Variants in PPP1R7 observed in about 807,000 individuals in gnomAD.
PPP1R7 encodes protein phosphatase 1 regulatory subunit 22.
Under a neutral mutation model 45.2 loss-of-function variants are expected in PPP1R7, and 18 were observed. The ratio of observed to expected loss-of-function variants is 0.40; its 90% CI spans 0.28 to 0.59. The LOEUF (loss-of-function observed/expected upper bound fraction) is 0.59. Among genes scored for constraint, PPP1R7 ranks in the 20% least tolerant of loss-of-function variants. The pLI, the probability that PPP1R7 is intolerant of heterozygous loss-of-function variation, is 0.46. For synonymous variants in PPP1R7, 181 were observed against 183.4 expected (o/e 0.99, Z 0.11); for missense variants, 314 against 455.8 (o/e 0.69, Z 2.83).
At chr2:241,152,160 T>G (rs1399538036) in intron 1 of PPP1R7, among the ~76,000 whole-genome samples, 1 of 152,268 alleles carries the variant, frequency 6.6e-6, no homozygotes, top group East Asian at 1.9e-4. Flanking sequence ...ACGTGCTAAC[T>G]GCTCTTGTGC....
At chr2:241,161,610 G>C (rs2149056396) in intron 6 of PPP1R7, among the ~76,000 whole-genome samples, 1 of 152,338 alleles carries the variant, frequency 6.6e-6, no homozygotes, top group East Asian at 1.9e-4. Flanking sequence ...ATTTGACCTT[G>C]AAAACGTGGG....
chr2:241,174,275 A>T (rs1326644777), intron 9 of PPP1R7, among the ~76,000 whole-genome samples: 1 of 152,180 alleles, frequency 6.6e-6, no homozygotes, highest in Non-Finnish European at 1.5e-5. Flanking sequence ...GAACACAAAC[A>T]TGGACCTGCT....
intron 6 of PPP1R7, among the ~76,000 whole-genome samples, chr2:241,160,831 C>A (rs2067571280): frequency 6.6e-6 from 1 of 152,238 alleles, no homozygotes; most frequent in African/African-American, 2.4e-5. Flanking sequence ...TCATGGTCAT[C>A]TTCTCTGGCA....
rs768196410 is a variant in PPP1R7, at chr2:241,150,468, G to A, written c.-28G>A. 6.3e-7 allele frequency: 1 copy of A among 1,582,182 alleles called. No homozygotes were observed. The highest frequency in any genetic ancestry group is 8.6e-7 in the Non-Finnish European group (1 of 1,165,360). On this transcript the variant is annotated 5_prime_UTR_variant, in exon 1 of 10. Coordinates refer to ENST00000234038, the MANE Select transcript of PPP1R7 (RefSeq NM_002712.3). ...ATTGGCTGAGGGGTCTGAGGCGACAGATTCCGGAAAGGGGAAGAGCAGCCA... is the reference window on the plus strand; with the variant it reads ...ATTGGCTGAGGGGTCTGAGGCGACAAATTCCGGAAAGGGGAAGAGCAGCCA...
At chr2:241,172,846 T>A (rs1280737904) in intron 9 of PPP1R7, among the ~76,000 whole-genome samples, 4 of 152,146 alleles carry the variant, frequency 2.6e-5, no homozygotes, top group Non-Finnish European at 4.4e-5. Context: ...TTGCCTGCAT[T>A]TTTGGAATTT....
At chr2:241,168,786 C>T (rs541811438) in intron 8 of PPP1R7, among the ~76,000 whole-genome samples, 55 of 152,202 alleles carry the variant, frequency 3.6e-4, no homozygotes, top group Non-Finnish European at 6.8e-4. Context: ...ACAGCCATAG[C>T]GCTTTCGAAT....
rs182038861 is a variant in PPP1R7 at position 241,178,285 on chromosome 2, G to A, written c.907-4362G>A. Among the ~76,000 whole-genome samples, 273 of 152,282 alleles carry A rather than the reference G, an allele frequency of 1.8e-3. 2 individuals are homozygous for A. The highest frequency in any genetic ancestry group is 6.2e-3 in the African/African-American group (259 of 41,560). ...AATTACAGATGAGTCTAACCCTGGC[G>A]CCTCTGTTTTCAACCACTTTGTCCT... On this transcript the variant is annotated intron_variant, in intron 9 of 9. Transcript: ENST00000234038.
chr2:241,163,461 C>A, intron 7 of PPP1R7, 60 bp downstream of exon 7: 2 of 1,198,176 alleles, frequency 1.7e-6, no homozygotes, highest in Non-Finnish European at 2.5e-6. Flanking sequence ...CGCTGCTGGA[C>A]ACAATCTTAG....
chr2:241,158,556 G>A lies in PPP1R7; in HGVS notation c.303+7G>A. The A allele has an allele frequency of 6.2e-7, 1 of 1,611,356 alleles. No individual in the cohort carries two copies. Among genetic ancestry groups the A allele is most frequent in the Non-Finnish European group, 8.5e-7 (1 of 1,177,434 alleles). On this transcript the variant is annotated splice_region_variant and intron_variant, in intron 4 of 9. Coordinates refer to ENST00000234038, the MANE Select transcript of PPP1R7 (RefSeq NM_002712.3). Reference sequence around the variant, plus strand: ...GGTACTGAAGAAAGTGAAGGTGAGAGGGACTCTTATGAGGGGACTATGACG... The same window carrying A: ...GGTACTGAAGAAAGTGAAGGTGAGAAGGACTCTTATGAGGGGACTATGACG...
At chr2:241,171,702 G>A (rs1575402989) in intron 9 of PPP1R7, among the ~76,000 whole-genome samples, 1 of 152,126 alleles carries the variant, frequency 6.6e-6, no homozygotes, top group Admixed American at 6.5e-5. Flanking sequence ...TTTGTTTCTT[G>A]TATTTTGAAA....
rs369859699 is a variant in PPP1R7 at position 241,159,243 on chromosome 2, T to C, written c.334T>C (p.Cys112Arg). The change falls in exon 5 of 10, where the codon TGC (cysteine) becomes CGC (arginine). Residue 112 changes from cysteine to arginine, a missense_variant. By Grantham distance (180) the Cys-to-Arg change is radical (BLOSUM62 -3). Transcript: ENST00000234038. ...CTGCCTCCGCCAAAATTTAATTAAA[T>C]GCATTGAGAATCTGGAGGAGCTACA... The part of the protein sequence containing the change: ...TLCLRQNLIK[C>R]IENLEELQSL... 32 of 1,613,602 alleles carry C rather than the reference T, an allele frequency of 2.0e-5. No individual in the cohort carries two copies. The highest frequency in any genetic ancestry group is 2.7e-5 in the Non-Finnish European group (32 of 1,179,748).
At chr2:241,176,441 CATT>C (rs2067908801) in intron 9 of PPP1R7, among the ~76,000 whole-genome samples, 2 of 151,622 alleles carry the variant, frequency 1.3e-5, no homozygotes, top group South Asian at 2.1e-4. Flanking sequence ...TTTCCTATCT[CATT>C]AATTTTTTTT....
At chr2:241,160,533 G>A (rs2067561994) in intron 6 of PPP1R7, 39 bp downstream of exon 6, 1 of 1,520,560 alleles carries the variant, frequency 6.6e-7, no homozygotes, top group Non-Finnish European at 8.8e-7. Context: ...TTCAGGGAGA[G>A]GCAGCTAGCG....
At chr2:241,150,208 C>A, upstream of PPP1R7, 1 of 1,275,624 alleles carries the variant, frequency 7.8e-7, no homozygotes, top group Non-Finnish European at 9.9e-7. Context: ...CGTCTGCCTG[C>A]AGCTACGGCT....
intron 1 of PPP1R7, among the ~76,000 whole-genome samples, chr2:241,152,001 G>C (rs2067328286): frequency 2.0e-5 from 3 of 152,196 alleles, no homozygotes; most frequent in South Asian, 2.1e-4. Context: ...CGTTAGCTAA[G>C]CCTTTGCTAA....
At position 241,183,166 on chromosome 2, in the gene PPP1R7, A is replaced by G. The variant is rs992587374; in HGVS notation, c.*343A>G. On this transcript the variant is annotated 3_prime_UTR_variant, in exon 10 of 10. Transcript: ENST00000234038. ...AGTCGTGTGAAACACAGGGCCTGAG[A>G]GTGCTTTACAGGCATTCACGTGCTG... 15 of 393,000 alleles carry G rather than the reference A, an allele frequency of 3.8e-5. No individual in the cohort carries two copies. In the East Asian group the frequency reaches 8.8e-4, roughly 23 times the overall value. 24.3% of individuals were successfully genotyped at this position (393,000 alleles called of 1,614,324 possible). A position where few individuals can be genotyped will look rare whatever the true frequency, so the allele number is the denominator to read the frequency against.
upstream of PPP1R7, chr2:241,150,436 A>C: frequency 8.0e-7 from 1 of 1,254,306 alleles, no homozygotes; most frequent in Non-Finnish European, 1.0e-6. Flanking sequence ...CTGAGGCGGG[A>C]GCCCTGATTG....
At chr2:241,164,030 C>T (rs1015963275) in intron 7 of PPP1R7, among the ~76,000 whole-genome samples, 19 of 152,178 alleles carry the variant, frequency 1.2e-4, no homozygotes, top group African/African-American at 4.6e-4. Flanking sequence ...AATCTTCCCT[C>T]CTCAGCCTCC....
intron 9 of PPP1R7, among the ~76,000 whole-genome samples, chr2:241,174,991 C>T (rs912595059): frequency 6.6e-6 from 1 of 152,116 alleles, no homozygotes; most frequent in Non-Finnish European, 1.5e-5. Context: ...ATCCTATTTT[C>T]TAGTAGCTTG....
Sources: gnomAD v4.1 joint callset for allele counts (sites outside exome capture counted in the v4.1 genomes callset) on GRCh38, gnomAD v4.1.1 for gene constraint, MANE v1.5 for transcripts, NCBI Gene and HGNC (gene_info 2026-07-23, HGNC 2026-07-21) for gene names.